Variants in UBN1 observed in about 807,000 individuals in gnomAD.
UBN1 encodes ubinuclein-1.
UBN1 carries 17 observed loss-of-function variants against 108.5 expected under a neutral mutation model. That is an observed-to-expected ratio of 0.16 (90% confidence interval 0.11 to 0.24). The LOEUF (loss-of-function observed/expected upper bound fraction) is 0.24. Ranked by LOEUF, UBN1 falls within the 10% of genes least tolerant of loss-of-function variation. UBN1 has a pLI of 1.00. For synonymous variants in UBN1, 726 were observed against 564.2 expected, an observed-to-expected ratio of 1.29 and a Z score of -4.07; for missense variants, 1,595 against 1,394.4, an observed-to-expected ratio of 1.14 and a Z score of -2.29.
At chr16:4,859,799 G>A in intron 5 of UBN1, 66 bp from the exon 6 acceptor site, 1 of 1,605,552 alleles carries the variant, frequency 6.2e-7, no homozygotes, top group East Asian at 2.2e-5. Flanking sequence ...CAAGGCCAGT[G>A]CCGTGTAGTG....
intron 1 of UBN1, 53 bp from the exon 2 acceptor site, chr16:4,852,826 T>G: frequency 6.8e-7 from 1 of 1,463,976 alleles, no homozygotes; most frequent in Non-Finnish European, 9.2e-7. Context: ...ATTAGGCAGG[T>G]AAACTATTTT....
At chr16:4,876,434 T>C (rs1269990111) in intron 15 of UBN1, among the ~76,000 whole-genome samples, 3 of 152,154 alleles carry the variant, frequency 2.0e-5, no homozygotes, top group African/African-American at 7.2e-5. Flanking sequence ...AAGGTATATA[T>C]GTATGTGTGT....
rs888351906 is a variant in UBN1, at chr16:4,874,980, C to A, written c.2570C>A (p.Ser857Tyr). 5 of 1,614,180 alleles carry A rather than the reference C, an allele frequency of 3.1e-6. No individual in the cohort carries two copies. Among genetic ancestry groups the A allele is most frequent in the Non-Finnish European group, 4.2e-6 (5 of 1,180,050 alleles). The change falls in exon 15 of 18, where the codon TCT becomes TAT. Residue 857 changes from serine to tyrosine, a missense_variant. Ser to Tyr is a moderately radical substitution (Grantham distance 144). Transcript: ENST00000262376. Reference sequence around the variant, plus strand: ...GCCAAAGGCCAGGGCTTCCATCCCTCTGCACCAGCCACCTCAGGAGGCCTG... The same window carrying A: ...GCCAAAGGCCAGGGCTTCCATCCCTATGCACCAGCCACCTCAGGAGGCCTG... ...TAAKGQGFHPSAPATSGGLSA... is the reference protein window; with the variant it reads ...TAAKGQGFHPYAPATSGGLSA...
At chr16:4,872,614 G>A (rs370479728) in intron 12 of UBN1, among the ~76,000 whole-genome samples, 9 of 152,168 alleles carry the variant, frequency 5.9e-5, no homozygotes, top group South Asian at 2.1e-4. Flanking sequence ...GATTACAGGC[G>A]TGCGCCACCA....
In UBN1 at chr16:4,866,173, A is replaced by G. The variant is rs150187004; in HGVS notation, c.1111-2660A>G. Reference sequence around the variant, plus strand: ...TTTCCCAGACTAATATAATTCTAGTACCTTCCAAGTGCTAAGGTAGAATTC... The same window carrying G: ...TTTCCCAGACTAATATAATTCTAGTGCCTTCCAAGTGCTAAGGTAGAATTC... On this transcript the variant is annotated intron_variant, in intron 7 of 17. Coordinates refer to ENST00000262376, the MANE Select transcript of UBN1 (RefSeq NM_001079514.3). Among the ~76,000 whole-genome samples the G allele has an allele frequency of 3.9e-5, 6 of 152,302 alleles. No individual in the cohort carries two copies. In the East Asian group the frequency reaches 1.2e-3, roughly 29 times the overall value.
rs1413459165 is a variant in UBN1 at position 4,881,592 on chromosome 16, ATCCT to A, written c.*1463_*1466del. On this transcript the variant is annotated 3_prime_UTR_variant, in exon 18 of 18. Coordinates refer to ENST00000262376, the MANE Select transcript of UBN1 (RefSeq NM_001079514.3). ...CCCAGGGTACAGCGCCCAGTAACTC[ATCCT>A]TCATTCAGAGGTTTGCTGGCCTTCC... The A allele has an allele frequency of 6.6e-6, 1 of 152,136 alleles. No individual in the cohort carries two copies. The highest frequency in any genetic ancestry group is 1.9e-4 in the East Asian group (1 of 5,200). The allele number at this position is 152,136 out of a possible 1,614,324, so 9.4% of individuals were successfully genotyped here. A position where few individuals can be genotyped will look rare whatever the true frequency, so the allele number is the denominator to read the frequency against.
chr16:4,855,723 A>C (rs1381498906), intron 2 of UBN1, among the ~76,000 whole-genome samples: 1 of 152,114 alleles, frequency 6.6e-6, no homozygotes, highest in East Asian at 1.9e-4. Context: ...GTTTGATACC[A>C]GCCTGATCAA....
At chr16:4,863,323 TG>T (rs2142189315) in intron 7 of UBN1, among the ~76,000 whole-genome samples, 1 of 152,282 alleles carries the variant, frequency 6.6e-6, no homozygotes, top group East Asian at 1.9e-4. Context: ...GCCCTGCACT[TG>T]GGGCACTTGG....
intron 1 of UBN1, among the ~76,000 whole-genome samples, chr16:4,850,462 A>G (rs2086504569): frequency 6.6e-6 from 1 of 152,114 alleles, no homozygotes; most frequent in African/African-American, 2.4e-5. Context: ...TTATAGTGAG[A>G]CTGTTCCGGT....
chr16:4,874,427 G>A lies in UBN1; in HGVS notation c.2017G>A (p.Val673Met), dbSNP rs747909399. 3.1e-6 allele frequency: 5 copies of A among 1,614,110 alleles called. No homozygotes were observed. Among genetic ancestry groups the A allele is most frequent in the Non-Finnish European group, 4.2e-6 (5 of 1,180,006 alleles). ...CTTGATCCGCAATCCAGCCTCCTCG[G>A]TGGAAGCCGTGTCCAAGGAATTGGC... is the stretch of plus-strand genomic sequence containing the variant. ...EDLIRNPASS[V>M]EAVSKELAAL... The change falls in exon 15 of 18, where the codon GTG becomes ATG. Residue 673 changes from valine (V) to methionine (M), a missense_variant. Around this residue, in one of 3 missense-constraint regions of UBN1, gnomAD observed 1,398 missense variants for 1,194.7 expected, o/e 1.17. Coordinates refer to ENST00000262376, the MANE Select transcript of UBN1 (RefSeq NM_001079514.3).
intron 1 of UBN1, among the ~76,000 whole-genome samples, chr16:4,850,404 C>G (rs1472250296): frequency 1.3e-5 from 2 of 152,156 alleles, no homozygotes; most frequent in Non-Finnish European, 2.9e-5. Flanking sequence ...GTTGCCAATT[C>G]AAGGATGACC....
At chr16:4,875,577 T>A in intron 15 of UBN1, 143 bp downstream of exon 15, 1 of 1,229,814 alleles carries the variant, frequency 8.1e-7, no homozygotes, top group Non-Finnish European at 1.1e-6. Context: ...GAAGGGAGAC[T>A]GGGCTCCCTG....
chr16:4,868,732 C>G (rs947430608), intron 7 of UBN1, 101 bp from the exon 8 acceptor site: 4 of 1,140,500 alleles, frequency 3.5e-6, no homozygotes, highest in African/African-American at 1.5e-5. Flanking sequence ...ACTGTATTGA[C>G]AGGTGCTCTT....
chr16:4,850,317 A>G (rs556792808), intron 1 of UBN1, among the ~76,000 whole-genome samples: 47 of 152,308 alleles, frequency 3.1e-4, no homozygotes, highest in Admixed American at 1.9e-3. Context: ...GCCATCTAGG[A>G]TTGAAGCTGC....
chr16:4,868,756 C>G, intron 7 of UBN1, 77 bp from the exon 8 acceptor site: 3 of 1,445,268 alleles, frequency 2.1e-6, no homozygotes, highest in Non-Finnish European at 2.9e-6. Context: ...GGAGCGATGA[C>G]TCCTGTGCCT....
intron 7 of UBN1, among the ~76,000 whole-genome samples, chr16:4,862,058 A>C (rs1462770657): frequency 1.3e-5 from 2 of 152,260 alleles, no homozygotes; most frequent in African/African-American, 4.8e-5. Flanking sequence ...TTCTAACTGT[A>C]AACTAGGCAT....
At chr16:4,873,625 A>AT (rs1346531233) in intron 14 of UBN1, among the ~76,000 whole-genome samples, 1 of 152,198 alleles carries the variant, frequency 6.6e-6, no homozygotes, top group Admixed American at 6.5e-5. Context: ...GACCGTGAGA[A>AT]TGAGATGTGC....
chr16:4,860,209 G>T (rs191726930), intron 6 of UBN1, among the ~76,000 whole-genome samples: 1 of 152,106 alleles, frequency 6.6e-6, no homozygotes, highest in Non-Finnish European at 1.5e-5. Flanking sequence ...GATGTTTCTC[G>T]TCCTCTGGGG....
At chr16:4,866,718 C>G (rs1181187330) in intron 7 of UBN1, among the ~76,000 whole-genome samples, 3 of 152,084 alleles carry the variant, frequency 2.0e-5, no homozygotes, top group Non-Finnish European at 4.4e-5. Flanking sequence ...TCATCATGTG[C>G]CCAAGCTGGT....
Sources: gnomAD v4.1 joint callset for allele counts (sites outside exome capture counted in the v4.1 genomes callset) on GRCh38, gnomAD v4.1.1 for gene constraint, gnomAD v4.1.1 regional missense constraint, MANE v1.5 for transcripts, NCBI Gene and HGNC (gene_info 2026-07-23, HGNC 2026-07-21) for gene names.